PCDHA6: variants seen among roughly 807,000 people sequenced by gnomAD.
PCDHA6 encodes protocadherin alpha 6.
In PCDHA6, 55 loss-of-function variants were observed where a neutral mutation model predicts 60.3. The ratio of observed to expected loss-of-function variants is 0.91; its 90% CI spans 0.73 to 1.14. The LOEUF is 1.14. Among genes scored for constraint, PCDHA6 ranks in the 50% most tolerant of loss-of-function variants. PCDHA6 has a pLI of 0.00. For synonymous variants in PCDHA6, 652 were observed against 557.9 expected (o/e 1.17, Z -2.38); for missense variants, 1,327 against 1,256.5 (o/e 1.06, Z -0.85).
rs2098418669 is a variant in PCDHA6 at position 141,010,882 on chromosome 5, G to C, written c.*945G>C. On this transcript the variant is annotated 3_prime_UTR_variant, in exon 4 of 4. Transcript: ENST00000529310. ...GTCTATAGCTATAAATCTTTAAAGAGAAATATGAATACAATTCCCCTAAAC... is the reference window on the plus strand; with the variant it reads ...GTCTATAGCTATAAATCTTTAAAGACAAATATGAATACAATTCCCCTAAAC... The C allele has an allele frequency of 6.5e-6, 1 of 153,674 alleles. No homozygotes were observed. The allele number at this position is 153,674 out of a possible 1,614,324, so 9.5% of individuals were successfully genotyped here.
chr5:140,993,535 GAGAT>G (rs2097571300), intron 3 of PCDHA6, among the ~76,000 whole-genome samples: 1 of 151,900 alleles, frequency 6.6e-6, no homozygotes, highest in African/African-American at 2.4e-5. Context: ...GAGAGAGAGA[GAGAT>G]AGAGAAGTGA....
intron 1 of PCDHA6, among the ~76,000 whole-genome samples, chr5:140,905,368 T>C (rs536118800): frequency 6.6e-6 from 1 of 152,218 alleles, no homozygotes; most frequent in African/African-American, 2.4e-5. Flanking sequence ...TATTTCTGGT[T>C]CTCTGTTCTG....
intron 1 of PCDHA6, among the ~76,000 whole-genome samples, chr5:140,839,987 G>A (rs187099249): frequency 6.6e-6 from 1 of 152,212 alleles, no homozygotes; most frequent in African/African-American, 2.4e-5. Context: ...TTGGAAAGTG[G>A]TTAGCCTTAG....
chr5:141,001,245 C>G (rs1554258043), intron 3 of PCDHA6, among the ~76,000 whole-genome samples: 2 of 152,082 alleles, frequency 1.3e-5, no homozygotes, highest in Non-Finnish European at 2.9e-5. Context: ...TAAATCAACC[C>G]TATGGGGCGG....
chr5:140,945,076 C>G (rs2093735426), intron 1 of PCDHA6, among the ~76,000 whole-genome samples: 1 of 152,104 alleles, frequency 6.6e-6, no homozygotes, highest in South Asian at 2.1e-4. Flanking sequence ...TCCACCAAAA[C>G]ACTCTTGGAA....
chr5:140,931,247 C>G (rs782447233), intron 1 of PCDHA6, among the ~76,000 whole-genome samples: 4 of 152,032 alleles, frequency 2.6e-5, no homozygotes, highest in African/African-American at 4.8e-5. Flanking sequence ...CTTTTCCTAC[C>G]AAGAAATTTC....
chr5:140,856,103 C>G (rs1554148182), intron 1 of PCDHA6: 1 of 1,597,894 alleles, frequency 6.3e-7, no homozygotes, highest in South Asian at 1.1e-5. Context: ...CTCGCTTCTT[C>G]TCCTCGCAGC....
chr5:140,875,394 G>T, intron 1 of PCDHA6: 1 of 1,476,976 alleles, frequency 6.8e-7, no homozygotes, highest in South Asian at 1.4e-5. Context: ...TACAGAAAAG[G>T]GTGACTGCTC....
At chr5:140,850,666 C>G in intron 1 of PCDHA6, 1 of 1,598,434 alleles carries the variant, frequency 6.3e-7, no homozygotes, top group Non-Finnish European at 8.6e-7. Flanking sequence ...CTGCGGTGCT[C>G]GGCGATGCCC....
At position 140,887,996 on chromosome 5, in the gene PCDHA6, AAT is replaced by A. The variant is rs1258672316; in HGVS notation, c.2394+57513_2394+57514del. 4.6e-5 allele frequency among the ~76,000 whole-genome samples: 7 copies of A among 152,330 alleles called. No individual in the cohort carries two copies. In the East Asian group the frequency reaches 7.7e-4, roughly 17 times the overall value. ...AAATTTATTTTACATGTCTCCACCGAATAGTCATCTTTTTATCTATATGTTTG... is the reference window on the plus strand; with the variant it reads ...AAATTTATTTTACATGTCTCCACCGAAGTCATCTTTTTATCTATATGTTTG... On this transcript the variant is annotated intron_variant, in intron 1 of 3. Coordinates refer to ENST00000529310, the MANE Select transcript of PCDHA6 (RefSeq NM_018909.4).
rs782564165 is a variant in PCDHA6, at chr5:141,010,450, G to A, written c.*513G>A. ...AAGAAAACAAAGACAAATAAACAGC[G>A]GAAGTTATCAGTATGGAGGGGAAGT... On this transcript the variant is annotated 3_prime_UTR_variant, in exon 4 of 4. Transcript: ENST00000529310. The A allele has an allele frequency of 6.5e-6, 6 of 920,764 alleles. No individual in the cohort carries two copies. The East Asian group carries it at 8.2e-5, about 13-fold the overall frequency. 57.0% of individuals were successfully genotyped at this position (920,764 alleles called of 1,614,324 possible).
In PCDHA6 at chr5:140,915,351, C is replaced by G. The variant is rs75854979; in HGVS notation, c.2395-63598C>G. Among the ~76,000 whole-genome samples, 843 of 152,202 alleles carry G rather than the reference C, an allele frequency of 5.5e-3. 10 individuals carry two copies. Among genetic ancestry groups the G allele is most frequent in the African/African-American group, 0.019 (796 of 41,530 alleles). On this transcript the variant is annotated intron_variant, in intron 1 of 3. Coordinates refer to ENST00000529310, the MANE Select transcript of PCDHA6 (RefSeq NM_018909.4). ...TAATATTCTGTGTTTTTCTGTATGC[C>G]TATTCTTACCAGTAAGTGTCTCGGC...
chr5:140,843,487 G>C, intron 1 of PCDHA6: 1 of 1,596,050 alleles, frequency 6.3e-7, no homozygotes, highest in Non-Finnish European at 8.6e-7. Context: ...CTGCGCTGCG[G>C]TGCTCAGCAC....
At chr5:140,834,808 T>C in intron 1 of PCDHA6, 1 of 1,612,578 alleles carries the variant, frequency 6.2e-7, no homozygotes, top group Non-Finnish European at 8.5e-7. Flanking sequence ...AATCTGTTCA[T>C]CGCGGAATCC....
intron 1 of PCDHA6, chr5:140,884,401 G>T (rs781854362): frequency 3.1e-6 from 5 of 1,613,996 alleles, no homozygotes; most frequent in Non-Finnish European, 4.2e-6. Flanking sequence ...CCAGCCTGTT[G>T]GTGCTCACGT....
At chr5:140,949,117 T>C (rs1295254726) in intron 1 of PCDHA6, among the ~76,000 whole-genome samples, 2 of 151,762 alleles carry the variant, frequency 1.3e-5, no homozygotes, top group Admixed American at 6.6e-5. Context: ...CAAATATTTT[T>C]GGTTTTCCTA....
chr5:141,001,229 A>G (rs1055246744), intron 3 of PCDHA6, among the ~76,000 whole-genome samples: 41 of 152,314 alleles, frequency 2.7e-4, no homozygotes, highest in African/African-American at 9.1e-4. Flanking sequence ...AGTTACATTT[A>G]ATCTATAAAT....
chr5:140,927,972 T>C, intron 1 of PCDHA6: 1 of 1,614,190 alleles, frequency 6.2e-7, no homozygotes, highest in Non-Finnish European at 8.5e-7. Context: ...CAGTGATTGC[T>C]CTCTTTAGTG....
At chr5:140,943,690 CA>C (rs2093548144) in intron 1 of PCDHA6, among the ~76,000 whole-genome samples, 1 of 151,974 alleles carries the variant, frequency 6.6e-6, no homozygotes, top group Non-Finnish European at 1.5e-5. Context: ...GGGATAAGGT[CA>C]AAATATTGTG....
Sources: gnomAD v4.1 joint callset for allele counts (sites outside exome capture counted in the v4.1 genomes callset) on GRCh38, gnomAD v4.1.1 for gene constraint, MANE v1.5 for transcripts, NCBI Gene and HGNC (gene_info 2026-07-23, HGNC 2026-07-21) for gene names.